Variants in SOD1 observed in about 807,000 individuals in gnomAD.
The protein encoded by SOD1 is superoxide dismutase [Cu-Zn].
A neutral mutation model predicts 15.9 loss-of-function variants in SOD1; 8 were observed. The ratio of observed to expected loss-of-function variants is 0.50; its 90% CI spans 0.30 to 0.91. The LOEUF is 0.91. Ranked by LOEUF, SOD1 falls within the 40% of genes least tolerant of loss-of-function variation. SOD1 has a pLI of 0.07. For missense variants in SOD1, 137 were observed against 194.5 expected (o/e 0.70, Z 1.76); for synonymous variants, 86 against 71.2 (o/e 1.21, Z -1.04).
intron 1 of SOD1, chr21:31,660,685 C>T (rs1377678675): frequency 2.0e-5 from 3 of 152,200 alleles, no homozygotes; most frequent in African/African-American, 7.2e-5. Context: ...CGACCAATTA[C>T]ATCAAAACCT....
In SOD1 at chr21:31,668,865, C is replaced by T; in HGVS notation, c.*287C>T. The T allele has an allele frequency of 2.6e-6, 1 of 385,794 alleles. No homozygotes were observed. Among genetic ancestry groups the T allele is most frequent in the South Asian group, 2.6e-5 (1 of 38,654 alleles). The allele number at this position is 385,794 out of a possible 1,614,324, so 23.9% of individuals were successfully genotyped here. The stretch of plus-strand genomic sequence containing the variant: ...TGTCAGAATTTCTTTGTCATTCAAG[C>T]CTGTGAATAAAAACCCTGTATGGCA... On this transcript the variant is annotated 3_prime_UTR_variant, in exon 5 of 5. Transcript: ENST00000270142.
intron 3 of SOD1, 156 bp downstream of exon 3, chr21:31,666,674 A>G: frequency 1.4e-6 from 1 of 697,684 alleles, no homozygotes; most frequent in Non-Finnish European, 2.6e-6. Flanking sequence ...AAATGCTGGA[A>G]TGCTTTTACT....
rs571199057 is a variant in SOD1 at position 31,659,744 on chromosome 21, A to G, written c.-26A>G. 3.0e-5 allele frequency: 49 copies of G among 1,613,630 alleles called. No individual in the cohort carries two copies. The South Asian group carries it at 4.1e-4, about 13-fold the overall frequency. ...GGTTTCCGTTGCAGTCCTCGGAACC[A>G]GGACCTCGGCGTGGCCTAGCGAGTT... On this transcript the variant is annotated 5_prime_UTR_variant, in exon 1 of 5. Transcript: ENST00000270142.
Position 31,659,721 on chromosome 21 carries a change from T to G in SOD1, c.-49T>G. The G allele has an allele frequency of 6.3e-7, 1 of 1,587,732 alleles. No individual in the cohort carries two copies. The highest frequency in any genetic ancestry group is 8.6e-7 in the Non-Finnish European group (1 of 1,156,474). On this transcript the variant is annotated 5_prime_UTR_variant, in exon 1 of 5. Transcript: ENST00000270142. ...TCGTAGTCTCCTGCAGCGTCTGGGG[T>G]TTCCGTTGCAGTCCTCGGAACCAGG...
intron 1 of SOD1, 142 bp downstream of exon 1, chr21:31,659,983 G>A (rs2049533793): frequency 5.5e-6 from 4 of 722,456 alleles, no homozygotes; most frequent in African/African-American, 1.9e-5. Context: ...CCGCCCGGTC[G>A]GTGCCTTCGC....
intron 2 of SOD1, among the ~76,000 whole-genome samples, chr21:31,664,785 A>AT (rs1353499877): frequency 6.6e-6 from 1 of 151,902 alleles, no homozygotes; most frequent in Non-Finnish European, 1.5e-5. Flanking sequence ...CGCCTGGCTA[A>AT]TTTTTTGTAT....
intron 1 of SOD1, among the ~76,000 whole-genome samples, chr21:31,662,841 C>A (rs901662168): frequency 6.6e-6 from 1 of 152,112 alleles, no homozygotes. Context: ...GGTGAAACCC[C>A]GTCTCTACTA....
intron 3 of SOD1, chr21:31,666,876 A>AG: frequency 2.6e-6 from 1 of 387,030 alleles, no homozygotes; most frequent in East Asian, 5.4e-5. Flanking sequence ...AAAAAAAAAA[A>AG]TTGATACTGA....
At chr21:31,666,041 A>C (rs1421952444) in intron 2 of SOD1, among the ~76,000 whole-genome samples, 3 of 145,804 alleles carry the variant, frequency 2.1e-5, no homozygotes, top group Non-Finnish European at 4.5e-5. Context: ...GTGCGATCTC[A>C]GCTCACTGCA....
intron 1 of SOD1, chr21:31,660,663 G>C (rs549496955): frequency 2.0e-5 from 3 of 152,328 alleles, no homozygotes; most frequent in African/African-American, 7.2e-5. Context: ...AAATACACCA[G>C]AGCCCAACCT....
At chr21:31,664,387 C>T (rs1478438040) in intron 2 of SOD1, 1 of 224,256 alleles carries the variant, frequency 4.5e-6, no homozygotes. Context: ...CAGCAGAGTA[C>T]ACACAAGAAA....
rs1379845624 is a variant in SOD1, at chr21:31,659,807, G to A, written c.38G>A (p.Gly13Asp). 6.2e-7 allele frequency: 1 copy of A among 1,613,840 alleles called. No individual in the cohort carries two copies. Among genetic ancestry groups the A allele is most frequent in the Non-Finnish European group, 8.5e-7 (1 of 1,179,894 alleles). The part of the protein sequence containing the change: ...TKAVCVLKGD[G>D]PVQGIINFEQ... ...GCCGTGTGCGTGCTGAAGGGCGACG[G>A]CCCAGTGCAGGGCATCATCAATTTC... The change falls in exon 1 of 5, where the codon GGC becomes GAC. Residue 13 changes from glycine (G) to aspartate (D), a missense_variant. By Grantham distance (94) the Gly-to-Asp change is moderately conservative. Transcript: ENST00000270142.
intron 1 of SOD1, among the ~76,000 whole-genome samples, chr21:31,662,830 C>G (rs1199093709): frequency 6.6e-6 from 1 of 151,986 alleles, no homozygotes; most frequent in Non-Finnish European, 1.5e-5. Context: ...CTGGCTAACA[C>G]GGTGAAACCC....
At chr21:31,665,123 A>G (rs906193280) in intron 2 of SOD1, among the ~76,000 whole-genome samples, 4 of 152,130 alleles carry the variant, frequency 2.6e-5, no homozygotes, top group Admixed American at 6.5e-5. Context: ...CAAACTGAAG[A>G]TGGAATGCAG....
chr21:31,668,616 T>C lies in SOD1; in HGVS notation c.*38T>C, dbSNP rs1263780355. The C allele has an allele frequency of 3.0e-6, 4 of 1,342,882 alleles. No individual in the cohort carries two copies. Among genetic ancestry groups the C allele is most frequent in the African/African-American group, 1.4e-5 (1 of 69,716 alleles). 83.2% of individuals were successfully genotyped at this position (1,342,882 alleles called of 1,614,324 possible). On this transcript the variant is annotated 3_prime_UTR_variant, in exon 5 of 5. Transcript: ENST00000270142. ...ATGTAGTCTGAGGCCCCTTAACTCA[T>C]CTGTTATCCTGCTAGCTGTAGAAAT...
At chr21:31,663,646 G>A in intron 1 of SOD1, 144 bp from the exon 2 acceptor site, 2 of 648,900 alleles carry the variant, frequency 3.1e-6, no homozygotes, top group Non-Finnish European at 5.7e-6. Context: ...AGGTTCACTG[G>A]CTAGAAAGTG....
chr21:31,668,757 TA>T lies in SOD1; in HGVS notation c.*180del, dbSNP rs897173536. 8.2e-6 allele frequency: 5 copies of T among 606,956 alleles called. No individual in the cohort carries two copies. Among genetic ancestry groups the T allele is most frequent in the African/African-American group, 1.9e-5 (1 of 53,936 alleles). The allele number at this position is 606,956 out of a possible 1,614,324, so 37.6% of individuals were successfully genotyped here. ...GATTTATGATCACTTGGAAGATTTG[TA>T]TAGTTTTATAAAACTCAGTTAAAAT... On this transcript the variant is annotated 3_prime_UTR_variant, in exon 5 of 5. Coordinates refer to ENST00000270142, the MANE Select transcript of SOD1 (RefSeq NM_000454.5).
At chr21:31,664,830 A>G (rs1209288436) in intron 2 of SOD1, among the ~76,000 whole-genome samples, 1 of 152,022 alleles carries the variant, frequency 6.6e-6, no homozygotes, top group Non-Finnish European at 1.5e-5. Flanking sequence ...GTGTTAGCCA[A>G]GATGGTCTCT....
chr21:31,667,292 A>G lies in SOD1; in HGVS notation c.274A>G (p.Lys92Glu), dbSNP rs1345907062. 4 of 1,614,142 alleles carry G rather than the reference A, an allele frequency of 2.5e-6. No homozygotes were observed. The highest frequency in any genetic ancestry group is 8.5e-7 in the Non-Finnish European group (1 of 1,179,978). The change falls in exon 4 of 5, where the codon AAA (lysine) becomes GAA (glutamate). Residue 92 changes from lysine to glutamate, a missense_variant. By Grantham distance (56) the Lys-to-Glu change is moderately conservative (BLOSUM62 1). Coordinates refer to ENST00000270142, the MANE Select transcript of SOD1 (RefSeq NM_000454.5). ...AGACTTGGGCAATGTGACTGCTGACAAAGATGGTGTGGCCGATGTGTCTAT... is the reference window on the plus strand; with the variant it reads ...AGACTTGGGCAATGTGACTGCTGACGAAGATGGTGTGGCCGATGTGTCTAT... ...VGDLGNVTADKDGVADVSIED... is the reference protein window; with the variant it reads ...VGDLGNVTADEDGVADVSIED...
Sources: allele counts gnomAD v4.1 joint callset (sites outside exome capture counted in the v4.1 genomes callset), GRCh38; gene constraint gnomAD v4.1.1; transcripts MANE v1.5; gene names NCBI Gene and HGNC (gene_info 2026-07-23, HGNC 2026-07-21).